Variants in MMP16 observed in about 807,000 individuals in gnomAD.
The protein encoded by MMP16 is matrix metalloproteinase-16.
In MMP16, 12 loss-of-function variants were observed where a neutral mutation model predicts 67.8. The ratio of observed to expected loss-of-function variants is 0.18; its 90% CI spans 0.11 to 0.29. The LOEUF is 0.29. MMP16 is among the 10% of genes least tolerant of loss of function. The pLI is 1.00. For synonymous variants in MMP16, 249 were observed against 255.9 expected, an observed-to-expected ratio of 0.97 and a Z score of 0.26; for missense variants, 475 against 765.7, an observed-to-expected ratio of 0.62 and a Z score of 4.48.
chr8:88,092,960 T>C (rs963487004), intron 6 of MMP16, among the ~76,000 whole-genome samples: 1 of 151,880 alleles, frequency 6.6e-6, no homozygotes. Flanking sequence ...CATGCAAATC[T>C]GTGGAAGAAT....
At chr8:88,193,636 TACCCCAAC>T (rs1321278891) in intron 2 of MMP16, among the ~76,000 whole-genome samples, 1 of 152,044 alleles carries the variant, frequency 6.6e-6, no homozygotes, top group Non-Finnish European at 1.5e-5. Flanking sequence ...AGGTGATAGA[TACCCCAAC>T]TACCCTGATT....
At chr8:88,259,621 A>G (rs1351175217) in intron 1 of MMP16, among the ~76,000 whole-genome samples, 1 of 152,108 alleles carries the variant, frequency 6.6e-6, no homozygotes, top group Non-Finnish European at 1.5e-5. Context: ...AAAAGAAAGG[A>G]AAGAGAAAGA....
intron 1 of MMP16, among the ~76,000 whole-genome samples, chr8:88,310,518 A>G (rs1811278261): frequency 1.3e-5 from 2 of 152,140 alleles, no homozygotes; most frequent in Non-Finnish European, 2.9e-5. Flanking sequence ...CAGTTACATT[A>G]GAAACTAAAA....
intron 1 of MMP16, among the ~76,000 whole-genome samples, chr8:88,202,920 C>T (rs143897676): frequency 0.012 from 1,774 of 152,032 alleles, 86 homozygotes; most frequent in Admixed American, 0.095. Context: ...ACCAGGTAAA[C>T]GTTCTAAAAG....
At chr8:88,126,671 G>A (rs908785466) in intron 4 of MMP16, among the ~76,000 whole-genome samples, 1 of 151,538 alleles carries the variant, frequency 6.6e-6, no homozygotes, top group African/African-American at 2.4e-5. Flanking sequence ...GTTTATATAC[G>A]GAATCATTAC....
intron 4 of MMP16, among the ~76,000 whole-genome samples, chr8:88,137,619 T>G (rs764157226): frequency 6.6e-6 from 1 of 152,032 alleles, no homozygotes; most frequent in East Asian, 1.9e-4. Flanking sequence ...TGGTGTGATG[T>G]TTTTCATCTG....
At chr8:88,069,867 A>G (rs1018200189) in intron 7 of MMP16, among the ~76,000 whole-genome samples, 5 of 152,090 alleles carry the variant, frequency 3.3e-5, no homozygotes, top group African/African-American at 9.7e-5. Flanking sequence ...AAAATCTCAG[A>G]CCCTTTACAG....
intron 1 of MMP16, among the ~76,000 whole-genome samples, chr8:88,305,122 CA>C (rs530268805): frequency 6.6e-6 from 1 of 151,724 alleles, no homozygotes; most frequent in Admixed American, 6.6e-5. Flanking sequence ...AAATGGAAAA[CA>C]AAAAAAGCAG....
chr8:88,188,084 A>G (rs771958091), intron 2 of MMP16, among the ~76,000 whole-genome samples: 1 of 152,174 alleles, frequency 6.6e-6, no homozygotes, highest in Non-Finnish European at 1.5e-5. Context: ...AAAACACTCA[A>G]GAGAAGGGGT....
intron 1 of MMP16, among the ~76,000 whole-genome samples, chr8:88,322,155 C>T (rs1811469699): frequency 6.6e-6 from 1 of 151,896 alleles, no homozygotes; most frequent in South Asian, 2.1e-4. Flanking sequence ...GGGGTTTGAT[C>T]CAATTAAAAT....
At chr8:88,201,807 C>T (rs777371597) in intron 1 of MMP16, among the ~76,000 whole-genome samples, 1 of 152,108 alleles carries the variant, frequency 6.6e-6, no homozygotes, top group South Asian at 2.1e-4. Context: ...GATGGCCCCT[C>T]TATTTTGTGG....
chr8:88,322,420 G>A (rs1049256864), intron 1 of MMP16, among the ~76,000 whole-genome samples: 21 of 152,136 alleles, frequency 1.4e-4, no homozygotes, highest in Non-Finnish European at 2.9e-5. Context: ...AAATGGAAAG[G>A]TGTTTAAATA....
rs1808137369 is a variant in MMP16, at chr8:88,041,879, G to A, written c.1490-84C>T. On this transcript the variant is annotated intron_variant, in intron 9 of 9. Transcript: ENST00000286614. The surrounding 1 kb of genome is among the most constrained non-coding windows in gnomAD (Gnocchi z 6.0). ...GAGAAATGTTACTAAAATAGGCTAT[G>A]TCTTAAGAGATGTATTTTAAGGCCC... The A allele has an allele frequency of 9.8e-7, 1 of 1,015,984 alleles. No homozygotes were observed. The highest frequency in any genetic ancestry group is 1.4e-6 in the Non-Finnish European group (1 of 694,548). 62.9% of individuals were successfully genotyped at this position (1,015,984 alleles called of 1,614,324 possible).
chr8:88,092,720 G>C (rs2118350248), intron 6 of MMP16, among the ~76,000 whole-genome samples: 1 of 151,842 alleles, frequency 6.6e-6, no homozygotes, highest in South Asian at 2.1e-4. Context: ...AAATATAAAG[G>C]CATTTTTAAA....
chr8:88,279,745 G>A (rs1056081252), intron 1 of MMP16, among the ~76,000 whole-genome samples: 85 of 152,226 alleles, frequency 5.6e-4, no homozygotes, highest in Middle Eastern at 3.4e-3. Context: ...TGCCACAAAT[G>A]CTTAGTATTA....
intron 1 of MMP16, among the ~76,000 whole-genome samples, chr8:88,230,642 T>C (rs1350813109): frequency 6.6e-6 from 1 of 151,780 alleles, no homozygotes; most frequent in Non-Finnish European, 1.5e-5. Flanking sequence ...TTTTATACAG[T>C]GGGTGGTAGA....
At chr8:88,271,658 T>A (rs1810565766) in intron 1 of MMP16, among the ~76,000 whole-genome samples, 1 of 152,152 alleles carries the variant, frequency 6.6e-6, no homozygotes, top group African/African-American at 2.4e-5. Context: ...CACGTTCAGC[T>A]GCAGATTTGG....
chr8:88,229,830 G>A (rs897600394), intron 1 of MMP16, among the ~76,000 whole-genome samples: 1 of 152,078 alleles, frequency 6.6e-6, no homozygotes, highest in East Asian at 1.9e-4. Flanking sequence ...AAATGACCGA[G>A]AGAATAAGTA....
intron 1 of MMP16, among the ~76,000 whole-genome samples, chr8:88,230,665 C>T (rs1408455937): frequency 2.0e-5 from 3 of 151,600 alleles, no homozygotes; most frequent in African/African-American, 7.3e-5. Context: ...GTCAACCATA[C>T]ATAAGCTATT....
Sources: allele counts gnomAD v4.1 joint callset (sites outside exome capture counted in the v4.1 genomes callset), GRCh38; gene constraint gnomAD v4.1.1; non-coding constraint Gnocchi (gnomAD v3.1); transcripts MANE v1.5; gene names NCBI Gene and HGNC (gene_info 2026-07-23, HGNC 2026-07-21).